The following FER variants were observed in gnomAD, a reference collection of about 807,000 sequenced individuals.
FER encodes the protein tyrosine-protein kinase Fer.
Under a neutral mutation model 111.0 loss-of-function variants are expected in FER, and 63 were observed. The observed-to-expected ratio is 0.57, with a 90% CI of 0.46 to 0.70. FER has a LOEUF of 0.70. Ranked by LOEUF, FER falls within the 30% of genes least tolerant of loss-of-function variation. The pLI, the probability that FER is intolerant of heterozygous loss-of-function variation, is 0.00. For missense variants in FER, 914 were observed against 954.0 expected (o/e 0.96, Z 0.55); for synonymous variants, 327 against 313.9 (o/e 1.04, Z -0.44).
At chr5:109,088,718 G>A (rs1290634692) in intron 16 of FER, among the ~76,000 whole-genome samples, 1 of 152,098 alleles carries the variant, frequency 6.6e-6, no homozygotes, top group African/African-American at 2.4e-5. Flanking sequence ...AAAATTAAGA[G>A]TAAGTTATAT....
At chr5:108,999,218 TG>T (rs1299109966) in intron 13 of FER, among the ~76,000 whole-genome samples, 2 of 152,180 alleles carry the variant, frequency 1.3e-5, no homozygotes, top group African/African-American at 4.8e-5. Context: ...CTGTGCTATT[TG>T]TACTAGCCAT....
intron 13 of FER, among the ~76,000 whole-genome samples, chr5:108,987,407 T>C (rs1762696544): frequency 2.0e-5 from 3 of 152,078 alleles, no homozygotes; most frequent in Non-Finnish European, 4.4e-5. Context: ...GATCACGCCC[T>C]TGTACTCCAG....
At chr5:108,821,815 C>T (rs1449214462) in intron 3 of FER, among the ~76,000 whole-genome samples, 1 of 151,934 alleles carries the variant, frequency 6.6e-6, no homozygotes, top group Non-Finnish European at 1.5e-5. Context: ...AGTTAATTAA[C>T]TTATCTGTCA....
At chr5:109,010,817 T>C (rs536173066) in intron 13 of FER, among the ~76,000 whole-genome samples, 1 of 152,344 alleles carries the variant, frequency 6.6e-6, no homozygotes, top group African/African-American at 2.4e-5. Flanking sequence ...GTTTCCATTA[T>C]TCTTTGTATT....
intron 17 of FER, among the ~76,000 whole-genome samples, chr5:109,106,843 A>G (rs760704326): frequency 1.3e-5 from 2 of 152,216 alleles, no homozygotes; most frequent in Non-Finnish European, 2.9e-5. Flanking sequence ...ATGTTAGCCA[A>G]TTAACATCTT....
intron 14 of FER, among the ~76,000 whole-genome samples, chr5:109,041,101 A>AAT (rs1277292044): frequency 6.6e-6 from 1 of 152,150 alleles, no homozygotes; most frequent in Non-Finnish European, 1.5e-5. Context: ...AAAGAAATAT[A>AAT]ATATGATTAT....
chr5:108,924,921 G>A, intron 10 of FER: 1 of 691,536 alleles, frequency 1.4e-6, no homozygotes, highest in Non-Finnish European at 2.0e-6. Context: ...TGAATCTGGT[G>A]GTAAACAAAA....
chr5:108,951,046 G>A lies in FER; in HGVS notation c.1330-3683G>A, dbSNP rs549085985. ...AGCACTTTGGGAGGCTCGGGCAGGC[G>A]GATCATGAGGTCAGGACTTTGAGAC... On this transcript the variant is annotated intron_variant, in intron 11 of 19. Coordinates refer to ENST00000281092, the MANE Select transcript of FER (RefSeq NM_005246.4). 1.6e-4 allele frequency among the ~76,000 whole-genome samples: 24 copies of A among 151,966 alleles called. No homozygotes were observed. In the East Asian group the frequency reaches 1.7e-3, roughly 11 times the overall value.
intron 1 of FER, among the ~76,000 whole-genome samples, chr5:108,763,837 C>G (rs1752019853): frequency 6.6e-6 from 1 of 152,140 alleles, no homozygotes; most frequent in African/African-American, 2.4e-5. Context: ...TATATAGGGG[C>G]AAAATATTTT....
chr5:109,136,365 A>T (rs1752893852), intron 17 of FER, among the ~76,000 whole-genome samples: 1 of 152,166 alleles, frequency 6.6e-6, no homozygotes, highest in African/African-American at 2.4e-5. Context: ...AGCATAAGAG[A>T]ATTTTTAAAT....
intron 16 of FER, among the ~76,000 whole-genome samples, chr5:109,049,298 G>T (rs1220336193): frequency 1.3e-5 from 2 of 152,164 alleles, no homozygotes; most frequent in African/African-American, 4.8e-5. Context: ...AGGATGTCAG[G>T]CTGAGCTGTT....
At chr5:109,179,317 G>C (rs983563681) in intron 17 of FER, among the ~76,000 whole-genome samples, 1 of 152,182 alleles carries the variant, frequency 6.6e-6, no homozygotes, top group Non-Finnish European at 1.5e-5. Context: ...CACCATTTAA[G>C]TGTGTAATGT....
chr5:108,816,605 C>T (rs1758307507), intron 3 of FER, among the ~76,000 whole-genome samples: 1 of 152,162 alleles, frequency 6.6e-6, no homozygotes, highest in South Asian at 2.1e-4. Context: ...CCTTTAACCC[C>T]ATTTGTCCAT....
intron 6 of FER, among the ~76,000 whole-genome samples, chr5:108,868,498 T>TCA (rs1764296098): frequency 6.6e-6 from 1 of 152,146 alleles, no homozygotes; most frequent in South Asian, 2.1e-4. Flanking sequence ...CACATGTTTA[T>TCA]CACACACACT....
chr5:108,898,925 A>T (rs1749592968), intron 10 of FER, among the ~76,000 whole-genome samples: 1 of 152,038 alleles, frequency 6.6e-6, no homozygotes, highest in East Asian at 1.9e-4. Flanking sequence ...CTAAAATGTC[A>T]AAAGTGCCAA....
At chr5:108,946,066 C>A in intron 10 of FER, 64 bp from the exon 11 acceptor site, 1 of 1,114,848 alleles carries the variant, frequency 9.0e-7, no homozygotes, top group Non-Finnish European at 1.4e-6. Context: ...TACCTAAATA[C>A]ATAAATGTCT....
chr5:109,108,461 G>A (rs1169401854), intron 17 of FER, among the ~76,000 whole-genome samples: 1 of 152,128 alleles, frequency 6.6e-6, no homozygotes, highest in African/African-American at 2.4e-5. Flanking sequence ...GTAGGGAGAA[G>A]AGAATCTTTT....
intron 16 of FER, among the ~76,000 whole-genome samples, chr5:109,064,803 A>G (rs1774883056): frequency 6.6e-6 from 1 of 152,210 alleles, no homozygotes; most frequent in African/African-American, 2.4e-5. Context: ...TTGAAAGTGT[A>G]GGAGTTATGA....
Position 109,187,395 on chromosome 5 carries a change from C to T in FER, c.2327-38C>T, listed in dbSNP as rs748743258. 7 of 1,602,368 alleles carry T rather than the reference C, an allele frequency of 4.4e-6. No homozygotes were observed. In the Admixed American group the frequency reaches 1.0e-4, roughly 24 times the overall value. Reference sequence around the variant, plus strand: ...TGTGTGAACATTTTGTGTCTTACCTCCATTCTAAATTCTGTTCTCCTTCTC... The same window carrying T: ...TGTGTGAACATTTTGTGTCTTACCTTCATTCTAAATTCTGTTCTCCTTCTC... On this transcript the variant is annotated intron_variant, in intron 19 of 19. Coordinates refer to ENST00000281092, the MANE Select transcript of FER (RefSeq NM_005246.4).
Sources: allele counts gnomAD v4.1 joint callset (sites outside exome capture counted in the v4.1 genomes callset), GRCh38; gene constraint gnomAD v4.1.1; transcripts MANE v1.5; gene names NCBI Gene and HGNC (gene_info 2026-07-23, HGNC 2026-07-21).